Variants in RARB observed in about 807,000 individuals in gnomAD.
RARB encodes the protein HBV-activated protein.
A neutral mutation model predicts 51.9 loss-of-function variants in RARB; 17 were observed. The observed-to-expected ratio is 0.33, with a 90% CI of 0.22 to 0.49. RARB has a LOEUF of 0.49. RARB is among the 20% of genes least tolerant of loss of function. The probability of loss-of-function intolerance (pLI) is 0.99; values close to 1 mark genes in which losing one functional copy is unlikely to be tolerated. For synonymous variants in RARB, 215 were observed against 195.4 expected (o/e 1.10, Z -0.84); for missense variants, 369 against 550.8 (o/e 0.67, Z 3.30).
chr3:25,368,592 C>T (rs1027916566), intron 5 of RARB, among the ~76,000 whole-genome samples: 4 of 152,182 alleles, frequency 2.6e-5, no homozygotes, highest in Non-Finnish European at 4.4e-5. Context: ...TACATGTTTT[C>T]ACTGAAAACC....
rs538983234 is a variant in RARB, at chr3:25,358,049, T to G, written c.179-103144T>G. Among the ~76,000 whole-genome samples the G allele has an allele frequency of 6.6e-5, 10 of 152,294 alleles. No individual in the cohort carries two copies. In the East Asian group the frequency reaches 1.9e-3, roughly 29 times the overall value. ...GTTTTTTCTAATTATGTGAAGAAAG[T>G]CAATAGTAGCTTGATGGGAATAACA... On this transcript the variant is annotated intron_variant, in intron 5 of 11. Coordinates refer to the RARB transcript ENST00000383772.
At chr3:25,437,085 C>T (rs1044565540) in intron 1 of RARB, among the ~76,000 whole-genome samples, 8 of 151,786 alleles carry the variant, frequency 5.3e-5, no homozygotes, top group African/African-American at 1.9e-4. Flanking sequence ...TGGCATGACA[C>T]CTGTGGCTTA....
At chr3:25,422,985 T>A (rs1236888380) in intron 5 of RARB, among the ~76,000 whole-genome samples, 1 of 152,222 alleles carries the variant, frequency 6.6e-6, no homozygotes, top group East Asian at 1.9e-4. Flanking sequence ...TGCCCATTAA[T>A]TTATTATATA....
intron 2 of RARB, among the ~76,000 whole-genome samples, chr3:25,481,931 A>ATT (rs1696242689): frequency 1.3e-5 from 2 of 152,188 alleles, no homozygotes; most frequent in Non-Finnish European, 1.5e-5. Flanking sequence ...AAGGTAGAAA[A>ATT]TAGTACTATC....
At chr3:24,884,371 C>A (rs1323634369) in intron 2 of RARB, among the ~76,000 whole-genome samples, 1 of 151,964 alleles carries the variant, frequency 6.6e-6, no homozygotes, top group African/African-American at 2.4e-5. Flanking sequence ...TTATGAAGGG[C>A]TAGTTTAAGG....
intron 5 of RARB, among the ~76,000 whole-genome samples, chr3:25,243,658 C>T (rs1702484957): frequency 6.6e-6 from 1 of 152,238 alleles, no homozygotes; most frequent in Middle Eastern, 3.4e-3. Context: ...ATGGATGAAG[C>T]TGACTTGGTC....
intron 2 of RARB, chr3:25,462,230 C>G (rs1437334045): frequency 6.6e-6 from 1 of 152,214 alleles, no homozygotes; most frequent in African/African-American, 2.4e-5. Flanking sequence ...TAGTATATGG[C>G]TGCTTTGAAT....
At chr3:24,899,748 C>T (rs749944889) in intron 2 of RARB, among the ~76,000 whole-genome samples, 1 of 152,274 alleles carries the variant, frequency 6.6e-6, no homozygotes, top group African/African-American at 2.4e-5. Flanking sequence ...TCTCAACTCC[C>T]TCCTTAAAGA....
chr3:24,857,632 C>T (rs9880358), intron 1 of RARB, among the ~76,000 whole-genome samples: 89,882 of 152,060 alleles, frequency 0.59, 27,428 homozygotes, highest in East Asian at 0.96. Flanking sequence ...AATGCTGTTT[C>T]GACTTCAGTG....
intron 4 of RARB, among the ~76,000 whole-genome samples, chr3:25,145,311 TACCAGCAAACTGTCTATCCTGCTG>T (rs1434361570): frequency 6.6e-6 from 1 of 152,166 alleles, no homozygotes; most frequent in Non-Finnish European, 1.5e-5. Flanking sequence ...CTGTAATCTT[TACCAGCAAACTGTCTATCCTGCTG>T]ACCCTGTGGA....
intron 4 of RARB, among the ~76,000 whole-genome samples, chr3:25,146,411 G>GGCA (rs1311171907): frequency 6.6e-6 from 1 of 152,040 alleles, no homozygotes; most frequent in Non-Finnish European, 1.5e-5. Context: ...TGTTAAAGGG[G>GGCA]GCAGGGTTAT....
At position 25,110,900 on chromosome 3, in the gene RARB, G is replaced by A. The variant is rs186042368; in HGVS notation, c.-327-21261G>A. ...CTGCATTATGTGAAAGACACATAAA[G>A]CCCCCAATTTAAGTTTACTTTGACA... On this transcript the variant is annotated intron_variant, in intron 3 of 11. Transcript: ENST00000383772. Among the ~76,000 whole-genome samples, 114 of 152,244 alleles carry A rather than the reference G, an allele frequency of 7.5e-4. 2 individuals carry two copies. Among genetic ancestry groups the A allele is most frequent in the African/African-American group, 2.5e-3 (102 of 41,546 alleles).
intron 5 of RARB, among the ~76,000 whole-genome samples, chr3:25,206,158 G>A (rs774718782): frequency 9.2e-5 from 14 of 152,142 alleles, no homozygotes; most frequent in Non-Finnish European, 2.1e-4. Flanking sequence ...ATGGCTAAAT[G>A]TTTTCTCAAG....
chr3:25,492,981 C>CCTT (rs1696819656), intron 2 of RARB, among the ~76,000 whole-genome samples: 1 of 151,094 alleles, frequency 6.6e-6, no homozygotes, highest in African/African-American at 2.4e-5. Flanking sequence ...GGATTTATTA[C>CCTT]CTTTTTTTTT....
At chr3:25,500,451 C>CTTTTTTTTTTTTTT (rs1553624117) in intron 2 of RARB, among the ~76,000 whole-genome samples, 3 of 49,934 alleles carry the variant, frequency 6.0e-5, no homozygotes, top group African/African-American at 1.7e-4. Context: ...TCTTTCTTTT[C>CTTTTTTTTTTTTTT]TTGTTTTTTT....
At chr3:25,541,772 C>T (rs1299084502) in intron 3 of RARB, among the ~76,000 whole-genome samples, 1 of 152,180 alleles carries the variant, frequency 6.6e-6, no homozygotes, top group Non-Finnish European at 1.5e-5. Flanking sequence ...AAATATCCTC[C>T]TCTTTACCTT....
At chr3:25,594,949 A>G (rs937574243) in intron 7 of RARB, among the ~76,000 whole-genome samples, 1 of 152,204 alleles carries the variant, frequency 6.6e-6, no homozygotes, top group Non-Finnish European at 1.5e-5. Flanking sequence ...AGAATGTACT[A>G]AAACAGGCTA....
In RARB at chr3:25,187,879, T is replaced by A. The variant is rs57708294; in HGVS notation, c.178+13304T>A. Among the ~76,000 whole-genome samples the A allele has an allele frequency of 4.5e-3, 688 of 152,236 alleles. 7 individuals are homozygous for A. Among genetic ancestry groups the A allele is most frequent in the African/African-American group, 0.016 (646 of 41,564 alleles). ...CATAATAAATAAATGTTTTAGTGTG[T>A]TTGAGACAACACAGATATTAGCACA... On this transcript the variant is annotated intron_variant, in intron 5 of 11. Transcript: ENST00000383772.
At chr3:25,103,623 C>T (rs1429879861) in intron 3 of RARB, among the ~76,000 whole-genome samples, 2 of 152,210 alleles carry the variant, frequency 1.3e-5, no homozygotes, top group African/African-American at 4.8e-5. Flanking sequence ...GAGAATAGAG[C>T]TGGAAACAAT....
Sources: gnomAD v4.1 joint callset for allele counts (sites outside exome capture counted in the v4.1 genomes callset) on GRCh38, gnomAD v4.1.1 for gene constraint, MANE v1.5 for transcripts, NCBI Gene and HGNC (gene_info 2026-07-23, HGNC 2026-07-21) for gene names.